The following CDC42BPA variants were observed in gnomAD, a reference collection of about 807,000 sequenced individuals.
CDC42BPA encodes the protein CDC42 binding protein kinase alpha.
In CDC42BPA, 80 loss-of-function variants were observed where a neutral mutation model predicts 223.5. The ratio of observed to expected loss-of-function variants is 0.36; its 90% CI spans 0.30 to 0.43. The LOEUF (loss-of-function observed/expected upper bound fraction) is 0.43, where lower values mean the gene tolerates loss of function less well. Among genes scored for constraint, CDC42BPA ranks in the 20% least tolerant of loss-of-function variants. The pLI is 1.00. For missense variants in CDC42BPA, 1,743 were observed against 2,099.9 expected, an observed-to-expected ratio of 0.83 and a Z score of 3.32; for synonymous variants, 694 against 718.6, an observed-to-expected ratio of 0.97 and a Z score of 0.55.
At chr1:226,996,849 G>C (rs1255254011) in intron 35 of CDC42BPA, among the ~76,000 whole-genome samples, 1 of 152,154 alleles carries the variant, frequency 6.6e-6, no homozygotes, top group Non-Finnish European at 1.5e-5. Flanking sequence ...TGTGCTGCTG[G>C]AATGTTTGCT....
intron 1 of CDC42BPA, among the ~76,000 whole-genome samples, chr1:227,269,136 T>C (rs1188249978): frequency 1.3e-5 from 2 of 152,186 alleles, no homozygotes; most frequent in African/African-American, 2.4e-5. Context: ...AGCCCTTGCA[T>C]AATCAAAACA....
chr1:227,278,894 A>G lies in CDC42BPA; in HGVS notation c.179-24739T>C, dbSNP rs531642029. On this transcript the variant is annotated intron_variant, in intron 1 of 36. Coordinates refer to ENST00000366766, the MANE Select transcript of CDC42BPA (RefSeq NM_001394014.1). ...AAGGCATTAAGTGATTTAAATTTAA[A>G]TTAGCCCAATATGAAGATGTGATTT... is the stretch of plus-strand genomic sequence containing the variant. Among the ~76,000 whole-genome samples, 7 of 152,340 alleles carry G rather than the reference A, an allele frequency of 4.6e-5. No homozygotes were observed. The South Asian group carries it at 1.0e-3, about 23-fold the overall frequency.
rs1485657420 is a variant in CDC42BPA at position 227,187,689 on chromosome 1, C to CCCA, written c.599+6096_599+6097insTGG. Among the ~76,000 whole-genome samples the CCCA allele has an allele frequency of 5.0e-4, 28 of 56,196 alleles. 1 individual carries two copies. The East Asian group carries it at 5.2e-3, about 10-fold the overall frequency. 36.9% of individuals were successfully genotyped at this position (56,196 alleles called of 152,430 possible). ...TAAATGGCACCCCCCACCCCCCCCC[C>CCCA]AAAAAAAAAAAACTATACCTAGGCA... On this transcript the variant is annotated intron_variant, in intron 5 of 36. Transcript: ENST00000366766.
chr1:227,082,794 T>C (rs1475630156), intron 16 of CDC42BPA, among the ~76,000 whole-genome samples: 2 of 151,642 alleles, frequency 1.3e-5, no homozygotes, highest in Non-Finnish European at 2.9e-5. Flanking sequence ...CCTTCATTTC[T>C]GGAAGGCATT....
At chr1:226,995,216 T>C (rs570820381) in intron 35 of CDC42BPA, among the ~76,000 whole-genome samples, 30 of 152,214 alleles carry the variant, frequency 2.0e-4, no homozygotes, top group Non-Finnish European at 4.0e-4. Flanking sequence ...GAGCACTCTC[T>C]AGGCTGTGCC....
chr1:227,043,770 T>C (rs193067120), intron 23 of CDC42BPA, among the ~76,000 whole-genome samples: 1 of 152,320 alleles, frequency 6.6e-6, no homozygotes, highest in East Asian at 1.9e-4. Flanking sequence ...TTTAGGAATC[T>C]TTCCCCTATT....
intron 2 of CDC42BPA, among the ~76,000 whole-genome samples, chr1:227,246,470 G>C (rs1345342431): frequency 6.6e-6 from 1 of 152,132 alleles, no homozygotes; most frequent in Non-Finnish European, 1.5e-5. Context: ...AGTGATGGTG[G>C]CCACAGGGGT....
intron 34 of CDC42BPA, among the ~76,000 whole-genome samples, chr1:227,009,983 T>C (rs1379109042): frequency 6.6e-6 from 1 of 152,208 alleles, no homozygotes; most frequent in East Asian, 1.9e-4. Flanking sequence ...GATCTACTAT[T>C]GTTGTAAGTT....
intron 32 of CDC42BPA, among the ~76,000 whole-genome samples, chr1:227,018,032 A>AATTATTATTATT (rs56236828): frequency 0.013 from 1,878 of 145,086 alleles, 27 homozygotes; most frequent in East Asian, 0.029. Flanking sequence ...TTAAAAATAG[A>AATTATTATTATT]ATTATTATTA....
chr1:226,995,765 T>A (rs1661484967), intron 35 of CDC42BPA, among the ~76,000 whole-genome samples: 1 of 152,112 alleles, frequency 6.6e-6, no homozygotes, highest in Non-Finnish European at 1.5e-5. Context: ...CAGTACCTAT[T>A]TAAAGCTCTT....
chr1:227,205,644 AAAC>A (rs1179406623), intron 3 of CDC42BPA, among the ~76,000 whole-genome samples: 56 of 152,284 alleles, frequency 3.7e-4, no homozygotes, highest in East Asian at 3.9e-4. Flanking sequence ...AAAACTAATA[AAAC>A]AATAGGCATA....
intron 17 of CDC42BPA, among the ~76,000 whole-genome samples, chr1:227,077,934 T>C (rs969149762): frequency 1.6e-4 from 25 of 152,154 alleles, no homozygotes; most frequent in Non-Finnish European, 5.9e-5. Context: ...TTCACTTTAT[T>C]TCCAACATTA....
intron 6 of CDC42BPA, among the ~76,000 whole-genome samples, chr1:227,149,032 C>G (rs944090914): frequency 2.6e-5 from 4 of 152,024 alleles, no homozygotes; most frequent in African/African-American, 9.7e-5. Flanking sequence ...AAGACCTTAT[C>G]CTTAGCTTAC....
chr1:227,005,156 T>C lies in CDC42BPA; in HGVS notation c.4858-45A>G, dbSNP rs548235880. 25 of 1,288,050 alleles carry C rather than the reference T, an allele frequency of 1.9e-5. No homozygotes were observed. In the East Asian group the frequency reaches 5.3e-4, roughly 28 times the overall value. The allele number at this position is 1,288,050 out of a possible 1,614,324, so 79.8% of individuals were successfully genotyped here. A position where few individuals can be genotyped will look rare whatever the true frequency, so the allele number is the denominator to read the frequency against. The stretch of plus-strand genomic sequence containing the variant: ...AGACATCCTTTAGCCAGAAAGAAAC[T>C]GATTTTTCTGCAGAGATGTCTATTT... On this transcript the variant is annotated intron_variant, in intron 34 of 36. Coordinates refer to ENST00000366766, the MANE Select transcript of CDC42BPA (RefSeq NM_001394014.1).
chr1:227,316,917 G>C (rs1694502846), intron 1 of CDC42BPA, 88 bp downstream of exon 1: 10 of 932,712 alleles, frequency 1.1e-5, no homozygotes, highest in Admixed American at 2.6e-5. Flanking sequence ...TCTTTGAACG[G>C]AGTAGAGTTT....
intron 6 of CDC42BPA, among the ~76,000 whole-genome samples, chr1:227,154,932 C>T (rs1423444274): frequency 6.6e-6 from 1 of 151,934 alleles, no homozygotes; most frequent in East Asian, 1.9e-4. Context: ...CCAAGAATAG[C>T]CAAGATAATT....
At chr1:227,285,876 C>T (rs956223668) in intron 1 of CDC42BPA, among the ~76,000 whole-genome samples, 4 of 152,026 alleles carry the variant, frequency 2.6e-5, no homozygotes, top group Non-Finnish European at 4.4e-5. Flanking sequence ...CACAATCATG[C>T]TTTTATTAAT....
intron 1 of CDC42BPA, among the ~76,000 whole-genome samples, chr1:227,312,739 G>A (rs1315893394): frequency 6.6e-6 from 1 of 152,168 alleles, no homozygotes; most frequent in Non-Finnish European, 1.5e-5. Flanking sequence ...TAATCCCAGT[G>A]TTGGAGGAGG....
intron 21 of CDC42BPA, among the ~76,000 whole-genome samples, chr1:227,055,531 T>C (rs1159556852): frequency 6.6e-6 from 1 of 152,142 alleles, no homozygotes; most frequent in African/African-American, 2.4e-5. Flanking sequence ...GACTCTGATA[T>C]AGTATAGCAG....
Sources: allele counts gnomAD v4.1 joint callset (sites outside exome capture counted in the v4.1 genomes callset), GRCh38; gene constraint gnomAD v4.1.1; transcripts MANE v1.5; gene names NCBI Gene and HGNC (gene_info 2026-07-23, HGNC 2026-07-21).